SH3GL2: variants seen among roughly 807,000 people sequenced by gnomAD.
SH3GL2 encodes the protein endophilin-A1.
A neutral mutation model predicts 46.0 loss-of-function variants in SH3GL2; 24 were observed. The observed-to-expected ratio is 0.52, with a 90% CI of 0.38 to 0.73. SH3GL2 has a LOEUF of 0.73. Ranked by LOEUF, SH3GL2 falls within the 30% of genes least tolerant of loss-of-function variation. SH3GL2 has a pLI of 0.00. For missense variants in SH3GL2, 413 were observed against 424.2 expected (o/e 0.97, Z 0.23); for synonymous variants, 196 against 147.1 (o/e 1.33, Z -2.40).
At chr9:17,770,503 C>T (rs1317405235) in intron 3 of SH3GL2, among the ~76,000 whole-genome samples, 1 of 152,162 alleles carries the variant, frequency 6.6e-6, no homozygotes, top group African/African-American at 2.4e-5. Context: ...ATAATCCCTT[C>T]CCGTTGGGTG....
At chr9:17,618,609 T>G (rs1819059906) in intron 1 of SH3GL2, among the ~76,000 whole-genome samples, 1 of 152,232 alleles carries the variant, frequency 6.6e-6, no homozygotes, top group African/African-American at 2.4e-5. Flanking sequence ...GTGTGAATGT[T>G]AATGCGCTTG....
chr9:17,611,466 G>A (rs944304935), intron 1 of SH3GL2, among the ~76,000 whole-genome samples: 1 of 152,144 alleles, frequency 6.6e-6, no homozygotes, highest in Non-Finnish European at 1.5e-5. Flanking sequence ...ATTGGCTTCA[G>A]TTCCTTCTGG....
At chr9:17,682,009 A>G (rs778473495) in intron 1 of SH3GL2, among the ~76,000 whole-genome samples, 6 of 152,178 alleles carry the variant, frequency 3.9e-5, no homozygotes, top group Non-Finnish European at 2.9e-5. Flanking sequence ...CAAAACTGCA[A>G]TGAGATACCA....
At chr9:17,656,770 C>CAAAAAAAA (rs36079244) in intron 1 of SH3GL2, among the ~76,000 whole-genome samples, 4 of 101,542 alleles carry the variant, frequency 3.9e-5, no homozygotes, top group East Asian at 3.5e-4. Flanking sequence ...GACTACATCT[C>CAAAAAAAA]AAAAAAAAAA....
At chr9:17,620,654 G>A (rs1319513012) in intron 1 of SH3GL2, among the ~76,000 whole-genome samples, 2 of 152,100 alleles carry the variant, frequency 1.3e-5, no homozygotes, top group Admixed American at 1.3e-4. Flanking sequence ...TCCAGCAATG[G>A]GATTGGAGAG....
intron 1 of SH3GL2, chr9:17,653,875 G>A: frequency 6.1e-6 from 6 of 980,810 alleles, no homozygotes; most frequent in Non-Finnish European, 7.3e-6. Context: ...AGGGGCTGAT[G>A]CAGAAGGTAT....
intron 8 of SH3GL2, among the ~76,000 whole-genome samples, chr9:17,794,191 A>G (rs910158613): frequency 2.0e-5 from 3 of 152,132 alleles, no homozygotes; most frequent in African/African-American, 7.2e-5. Flanking sequence ...CCACTCCTAC[A>G]CGCAGATTAC....
chr9:17,737,166 C>A (rs1423248595), intron 1 of SH3GL2, among the ~76,000 whole-genome samples: 1 of 151,808 alleles, frequency 6.6e-6, no homozygotes, highest in African/African-American at 2.4e-5. Flanking sequence ...AACACATGGA[C>A]ACAGAGAGGG....
intron 1 of SH3GL2, among the ~76,000 whole-genome samples, chr9:17,624,276 C>T (rs962318573): frequency 3.9e-5 from 6 of 152,112 alleles, no homozygotes; most frequent in Admixed American, 6.6e-5. Flanking sequence ...GTCTAGTTTC[C>T]TGATTATATA....
intron 3 of SH3GL2, among the ~76,000 whole-genome samples, chr9:17,775,944 A>G (rs1024112060): frequency 1.3e-5 from 2 of 152,166 alleles, no homozygotes; most frequent in Non-Finnish European, 2.9e-5. Context: ...TTTTATGTGA[A>G]ATTTCACAGT....
chr9:17,615,112 G>A (rs929640277), intron 1 of SH3GL2, among the ~76,000 whole-genome samples: 2 of 152,180 alleles, frequency 1.3e-5, no homozygotes, highest in Non-Finnish European at 2.9e-5. Context: ...CAGGTGTTAA[G>A]TTACTGGTAG....
At position 17,786,934 on chromosome 9, in the gene SH3GL2, C is replaced by T. The variant is rs559782966; in HGVS notation, c.331+410C>T. Among the ~76,000 whole-genome samples, 7 of 152,208 alleles carry T rather than the reference C, an allele frequency of 4.6e-5. No homozygotes were observed. In the South Asian group the frequency reaches 1.5e-3, roughly 32 times the overall value. ...TGTATATGGTACCTAGTTCTACTGCCCAAGGTGAGACATGATTTATTCCTT... is the reference window on the plus strand; with the variant it reads ...TGTATATGGTACCTAGTTCTACTGCTCAAGGTGAGACATGATTTATTCCTT... On this transcript the variant is annotated intron_variant, in intron 4 of 8. Coordinates refer to ENST00000380607, the MANE Select transcript of SH3GL2 (RefSeq NM_003026.5).
chr9:17,721,980 T>G (rs937333207), intron 1 of SH3GL2, among the ~76,000 whole-genome samples: 2 of 152,060 alleles, frequency 1.3e-5, no homozygotes, highest in African/African-American at 4.8e-5. Flanking sequence ...AGGTTGATAG[T>G]TAACGCTGGT....
At chr9:17,580,613 G>T (rs915706332) in intron 1 of SH3GL2, among the ~76,000 whole-genome samples, 1 of 152,056 alleles carries the variant, frequency 6.6e-6, no homozygotes, top group African/African-American at 2.4e-5. Context: ...ATTATAATTG[G>T]AGTTATCTGT....
At chr9:17,784,742 G>A (rs1823905701) in intron 3 of SH3GL2, among the ~76,000 whole-genome samples, 1 of 152,208 alleles carries the variant, frequency 6.6e-6, no homozygotes, top group East Asian at 1.9e-4. Context: ...AAAAGAGACA[G>A]GCTCTTGCTG....
intron 1 of SH3GL2, among the ~76,000 whole-genome samples, chr9:17,654,520 A>G (rs1037470809): frequency 1.3e-5 from 2 of 152,236 alleles, no homozygotes; most frequent in South Asian, 4.1e-4. Context: ...CTGAGCCAAT[A>G]TGCCTGTCAG....
intron 1 of SH3GL2, among the ~76,000 whole-genome samples, chr9:17,622,485 T>C (rs1054309627): frequency 6.6e-6 from 1 of 152,144 alleles, no homozygotes; most frequent in Non-Finnish European, 1.5e-5. Context: ...TCCAGGCCAC[T>C]TGTGAGCAAA....
chr9:17,768,734 C>T (rs1475655487), intron 3 of SH3GL2, among the ~76,000 whole-genome samples: 1 of 152,194 alleles, frequency 6.6e-6, no homozygotes, highest in Non-Finnish European at 1.5e-5. Context: ...TTCTCACCAT[C>T]CCTCCTGTCT....
At chr9:17,711,516 C>G (rs1821624128) in intron 1 of SH3GL2, among the ~76,000 whole-genome samples, 1 of 151,786 alleles carries the variant, frequency 6.6e-6, no homozygotes, top group African/African-American at 2.4e-5. Context: ...CTTTCTCTTA[C>G]CATAGATTAG....
Sources: gnomAD v4.1 joint callset for allele counts (sites outside exome capture counted in the v4.1 genomes callset) on GRCh38, gnomAD v4.1.1 for gene constraint, MANE v1.5 for transcripts, NCBI Gene and HGNC (gene_info 2026-07-23, HGNC 2026-07-21) for gene names.